Variants in ABCG1 observed in about 807,000 individuals in gnomAD.
ABCG1 encodes the protein ATP-binding cassette sub-family G member 1.
A neutral mutation model predicts 69.2 loss-of-function variants in ABCG1; 29 were observed. That is an observed-to-expected ratio of 0.42 (90% CI 0.31 to 0.57). ABCG1 has a LOEUF of 0.57. Ranked by LOEUF, ABCG1 falls within the 20% of genes least tolerant of loss-of-function variation. ABCG1 has a pLI of 0.15. For missense variants in ABCG1, 718 were observed against 898.1 expected (o/e 0.80, Z 2.56); for synonymous variants, 370 against 374.8 (o/e 0.99, Z 0.15).
chr21:42,215,348 A>G (rs751535214), upstream of ABCG1, among the ~76,000 whole-genome samples: 1 of 152,214 alleles, frequency 6.6e-6, no homozygotes, highest in Non-Finnish European at 1.5e-5. Context: ...TCTCCCCTTC[A>G]TGTTCAGCCT....
chr21:42,230,159 C>T (rs541349611), intron 2 of ABCG1, among the ~76,000 whole-genome samples: 87 of 152,278 alleles, frequency 5.7e-4, no homozygotes, highest in Non-Finnish European at 1.0e-3. Context: ...AGTTACTAAG[C>T]GTTGAATATG....
rs377272380 is a variant in ABCG1, at chr21:42,219,298, C to T, written c.36C>T (p.Thr12=). The T allele has an allele frequency of 1.8e-5, 29 of 1,595,984 alleles. No homozygotes were observed. The Admixed American group carries it at 2.2e-4, about 12-fold the overall frequency. ...TGATGGCCGCTTTCTCGGTCGGCAC[C>T]GCCATGGTGAGTGAGCGCATCCTTC... ...ACLMAAFSVG[T]AMNASSYSAE... is the part of the protein sequence containing the mutation. Residue 12 remains threonine, a synonymous_variant, in exon 1 of 15, where the codon ACC becomes ACT. Transcript: ENST00000398449. The surrounding 1 kb of genome is among the most constrained non-coding windows in gnomAD (Gnocchi z 5.3).
At chr21:42,249,118 G>A (rs6586298) in intron 2 of ABCG1, among the ~76,000 whole-genome samples, 2 of 152,052 alleles carry the variant, frequency 1.3e-5, no homozygotes, top group Non-Finnish European at 2.9e-5. Flanking sequence ...CACCAAAATT[G>A]TTAAAGGATA....
At position 42,296,624 on chromosome 21, in the gene ABCG1, G is replaced by GTTTTT. The variant is rs55913235; in HGVS notation, c.*241_*245dup. 27 of 434,368 alleles carry GTTTTT rather than the reference G, an allele frequency of 6.2e-5. No individual in the cohort carries two copies. Among genetic ancestry groups the GTTTTT allele is most frequent in the Non-Finnish European group, 8.9e-5 (21 of 237,142 alleles). The allele number at this position is 434,368 out of a possible 1,614,324, so 26.9% of individuals were successfully genotyped here. A position where few individuals can be genotyped will look rare whatever the true frequency, so the allele number is the denominator to read the frequency against. On this transcript the variant is annotated 3_prime_UTR_variant, in exon 15 of 15. Coordinates refer to ENST00000398449, the MANE Select transcript of ABCG1 (RefSeq NM_016818.3). This position sits in a 1 kb window ranked among gnomAD's most constrained non-coding sequence, Gnocchi z 5.4. ...CTAGGAAGATGTAGGCAGATTGGTG[G>GTTTTT]TTTTTTTTTTTTTAACATACAGAAT...
Position 42,253,077 on chromosome 21 carries a change from A to G in ABCG1, c.287-17993A>G, listed in dbSNP as rs1048047609. ...GGAGGGTCATGGTCAGAGCTTCAGG[A>G]TGCAGTGGGCGAGGTGTCTAAGATC... is the stretch of plus-strand genomic sequence containing the variant. On this transcript the variant is annotated intron_variant, in intron 2 of 14. Coordinates refer to ENST00000398449, the MANE Select transcript of ABCG1 (RefSeq NM_016818.3). Among the ~76,000 whole-genome samples the G allele has an allele frequency of 1.3e-5, 2 of 152,130 alleles. 1 individual carries two copies.
At chr21:42,266,363 G>T (rs903209993) in intron 2 of ABCG1, among the ~76,000 whole-genome samples, 1 of 152,102 alleles carries the variant, frequency 6.6e-6, no homozygotes, top group Non-Finnish European at 1.5e-5. Flanking sequence ...ATTCAGCCAA[G>T]GTGAGTCTGA....
chr21:42,282,278 A>G lies in ABCG1; in HGVS notation c.593A>G (p.Lys198Arg). The part of the protein sequence containing the change: ...EKDEGRREMV[K>R]EILTALGLLS... ...CTCTCGTTCTGTTGCCCCCAGGTCA[A>G]GGAGATACTGACAGCGCTGGGCTTG... The change falls in exon 6 of 15, where the codon AAG becomes AGG. Residue 198 changes from lysine to arginine, a missense_variant. Lys to Arg is a conservative substitution (Grantham distance 26). Around this residue, in one of 2 missense-constraint regions of ABCG1, gnomAD observed 514 missense variants for 574.3 expected, o/e 0.90. Transcript: ENST00000398449. 1.2e-6 allele frequency: 2 copies of G among 1,611,702 alleles called. No individual in the cohort carries two copies. Among genetic ancestry groups the G allele is most frequent in the Non-Finnish European group, 1.7e-6 (2 of 1,179,720 alleles).
rs1234476924 is a variant in ABCG1, at chr21:42,294,875, C to T, written c.1772+215C>T. 4.2e-5 allele frequency: 23 copies of T among 544,516 alleles called. No homozygotes were observed. In the Admixed American group the frequency reaches 5.1e-4, roughly 12 times the overall value. The allele number at this position is 544,516 out of a possible 1,614,324, so 33.7% of individuals were successfully genotyped here. A position where few individuals can be genotyped will look rare whatever the true frequency, so the allele number is the denominator to read the frequency against. ...TAAACAAGGAGGCCACACAAACCAGCGCTTCACACCCGGAGAGCCATGGCA... is the reference window on the plus strand; with the variant it reads ...TAAACAAGGAGGCCACACAAACCAGTGCTTCACACCCGGAGAGCCATGGCA... On this transcript the variant is annotated intron_variant, in intron 14 of 14. Coordinates refer to ENST00000398449, the MANE Select transcript of ABCG1 (RefSeq NM_016818.3).
Position 42,274,083 on chromosome 21 carries a change from G to A in ABCG1, c.537+648G>A, listed in dbSNP as rs545886500. Among the ~76,000 whole-genome samples, 14 of 152,328 alleles carry A rather than the reference G, an allele frequency of 9.2e-5. No individual in the cohort carries two copies. In the East Asian group the frequency reaches 9.6e-4, roughly 10 times the overall value. On this transcript the variant is annotated intron_variant, in intron 4 of 14. Coordinates refer to ENST00000398449, the MANE Select transcript of ABCG1 (RefSeq NM_016818.3). ...GCCAGGGCTGTCTGTCTCCAAAGGC[G>A]CACCTTTAACTGCCAGCTCAGCTTC...
intron 2 of ABCG1, among the ~76,000 whole-genome samples, chr21:42,251,208 A>G (rs2068215770): frequency 6.6e-6 from 1 of 152,138 alleles, no homozygotes; most frequent in African/African-American, 2.4e-5. Context: ...ATGAGTCTGC[A>G]AATTGAACAA....
At chr21:42,261,971 C>T (rs1267945059) in intron 2 of ABCG1, among the ~76,000 whole-genome samples, 12 of 152,194 alleles carry the variant, frequency 7.9e-5, no homozygotes, top group Admixed American at 6.5e-4. Flanking sequence ...AACCCAATGA[C>T]CGATCTTCCC....
upstream of ABCG1, among the ~76,000 whole-genome samples, chr21:42,213,434 A>G (rs2067608688): frequency 6.6e-6 from 1 of 152,266 alleles, no homozygotes; most frequent in Admixed American, 6.5e-5. Flanking sequence ...GATGCTTTGG[A>G]GAGCCTTGGG....
In ABCG1 at chr21:42,219,714, C is replaced by T. The variant is rs576399537; in HGVS notation, c.42+410C>T. 40 of 1,028,442 alleles carry T rather than the reference C, an allele frequency of 3.9e-5. 1 individual carries two copies. The South Asian group carries it at 4.2e-4, about 11-fold the overall frequency. 63.7% of individuals were successfully genotyped at this position (1,028,442 alleles called of 1,614,324 possible). A position where few individuals can be genotyped will look rare whatever the true frequency, so the allele number is the denominator to read the frequency against. Reference sequence around the variant, plus strand: ...GAGGGGACTTGAAGAAGGGGAGCCCCGCGCGCGCGGCTGTGGGCTTGGGGA... The same window carrying T: ...GAGGGGACTTGAAGAAGGGGAGCCCTGCGCGCGCGGCTGTGGGCTTGGGGA... On this transcript the variant is annotated intron_variant, in intron 1 of 14. Transcript: ENST00000398449. This position sits in a 1 kb window ranked among gnomAD's most constrained non-coding sequence, Gnocchi z 5.3.
chr21:42,220,472 A>G, intron 1 of ABCG1, among the ~76,000 whole-genome samples: 1 of 152,206 alleles, frequency 6.6e-6, no homozygotes, highest in East Asian at 1.9e-4. Flanking sequence ...TGACAACTGC[A>G]TCCTATGATT....
intron 2 of ABCG1, among the ~76,000 whole-genome samples, chr21:42,248,685 C>T (rs565155224): frequency 5.9e-5 from 9 of 151,432 alleles, no homozygotes; most frequent in East Asian, 5.8e-4. Context: ...CCCAGGAGTT[C>T]GAGAGCAGCC....
intron 2 of ABCG1, among the ~76,000 whole-genome samples, chr21:42,210,888 A>T (rs149126646): frequency 3.0e-4 from 45 of 152,214 alleles, no homozygotes; most frequent in African/African-American, 3.9e-4. Flanking sequence ...GAGACAGAAT[A>T]CCATTGAAGT....
chr21:42,295,636 T>C (rs997235779), intron 14 of ABCG1, among the ~76,000 whole-genome samples: 3 of 152,214 alleles, frequency 2.0e-5, no homozygotes, highest in African/African-American at 7.2e-5. Context: ...GGTATATTGT[T>C]CAAGAAAACA....
intron 6 of ABCG1, among the ~76,000 whole-genome samples, chr21:42,283,717 C>CA (rs80259113): frequency 0.013 from 731 of 58,186 alleles, 142 homozygotes; most frequent in Middle Eastern, 0.037. Context: ...TGAAGTACCA[C>CA]CCACCACCCA....
At chr21:42,280,808 G>A (rs1032534439) in intron 5 of ABCG1, among the ~76,000 whole-genome samples, 6 of 152,214 alleles carry the variant, frequency 3.9e-5, no homozygotes, top group Non-Finnish European at 5.9e-5. Context: ...CAAGAGCGTC[G>A]CCCAGTGGTT....
Sources: gnomAD v4.1 joint callset for allele counts (sites outside exome capture counted in the v4.1 genomes callset) on GRCh38, gnomAD v4.1.1 for gene constraint, gnomAD v4.1.1 regional missense constraint, Gnocchi (gnomAD v3.1) non-coding constraint, MANE v1.5 for transcripts, NCBI Gene and HGNC (gene_info 2026-07-23, HGNC 2026-07-21) for gene names.